Variants in RBFOX1 observed in about 807,000 individuals in gnomAD.
RBFOX1 encodes the protein RNA binding fox-1 homolog 1, also known as RNA binding protein fox-1 homolog 1.
RBFOX1 carries 8 observed loss-of-function variants against 57.7 expected under a neutral mutation model. The observed-to-expected ratio is 0.14, with a 90% confidence interval of 0.08 to 0.25. The LOEUF is 0.25. RBFOX1 is among the 10% of genes least tolerant of loss of function. The pLI is 1.00. For missense variants in RBFOX1, 611 were observed against 548.5 expected (o/e 1.11, Z -1.14); for synonymous variants, 326 against 222.4 (o/e 1.47, Z -4.15).
intron 3 of RBFOX1, among the ~76,000 whole-genome samples, chr16:6,736,003 T>G (rs1603479323): frequency 0.1 from 1 of 10 alleles, no homozygotes; most frequent in African/African-American, 0.5. Flanking sequence ...GGTAATTAAC[T>G]TCTTCTTTTT....
At position 7,221,518 on chromosome 16, in the gene RBFOX1, C is replaced by T. The variant is rs1042674609; in HGVS notation, c.27+169420C>T. ...AGTAGCTGGGATTACAGGTGCGTGC[C>T]ATCACACCTAGCTAATTTTTGTATT... On this transcript the variant is annotated intron_variant, in intron 4 of 15. Transcript: ENST00000550418. Among the ~76,000 whole-genome samples the T allele has an allele frequency of 3.9e-5, 6 of 152,152 alleles. No individual in the cohort carries two copies. The South Asian group carries it at 8.3e-4, about 21-fold the overall frequency.
At chr16:5,644,781 G>C (rs541950854) in intron 3 of RBFOX1, among the ~76,000 whole-genome samples, 3 of 152,184 alleles carry the variant, frequency 2.0e-5, no homozygotes, top group South Asian at 2.1e-4. Context: ...TTGTGTATCC[G>C]TTTATCAGCT....
At chr16:6,969,888 T>C (rs942613254) in intron 3 of RBFOX1, among the ~76,000 whole-genome samples, 4 of 152,226 alleles carry the variant, frequency 2.6e-5, no homozygotes, top group African/African-American at 7.2e-5. Context: ...TATGCAATGT[T>C]GTGTCACTTG....
chr16:5,451,095 G>C lies in RBFOX1; in HGVS notation c.220-16121G>C, dbSNP rs1481078111. On this transcript the variant is annotated intron_variant, in intron 1 of 2. Coordinates refer to the RBFOX1 transcript ENST00000585867. ...AGATATACACTCAAAATATCCAACG[G>C]ATTGAGTCCCTGAACCACAGCCTCC... 2.0e-5 allele frequency among the ~76,000 whole-genome samples: 3 copies of C among 152,320 alleles called. No individual in the cohort carries two copies. In the South Asian group the frequency reaches 6.2e-4, roughly 32 times the overall value.
intron 3 of RBFOX1, among the ~76,000 whole-genome samples, chr16:5,844,140 G>C (rs945894875): frequency 6.6e-6 from 1 of 152,156 alleles, no homozygotes; most frequent in Non-Finnish European, 1.5e-5. Flanking sequence ...TTAGTGTTTT[G>C]GAGTACCAGG....
intron 4 of RBFOX1, among the ~76,000 whole-genome samples, chr16:7,487,292 C>G (rs2065668375): frequency 6.6e-6 from 1 of 152,160 alleles, no homozygotes; most frequent in South Asian, 2.1e-4. Context: ...ACTACTTTAT[C>G]TCAAATAGCG....
At chr16:6,314,253 A>G (rs2080788747) in intron 1 of RBFOX1, among the ~76,000 whole-genome samples, 1 of 152,332 alleles carries the variant, frequency 6.6e-6, no homozygotes, top group African/African-American at 2.4e-5. Flanking sequence ...TGAGCAGTAC[A>G]TAAGGGGCCG....
intron 3 of RBFOX1, among the ~76,000 whole-genome samples, chr16:5,658,747 T>C (rs2049538690): frequency 3.5e-4 from 1 of 2,850 alleles, no homozygotes; most frequent in South Asian, 0.083. Context: ...TAAATGTGTA[T>C]ATATATATAT....
In RBFOX1 at chr16:6,415,730, C is replaced by T. The variant is rs148973644; in HGVS notation, c.-64+98673C>T. Among the ~76,000 whole-genome samples the T allele has an allele frequency of 3.0e-4, 46 of 152,132 alleles. 1 individual carries two copies. The highest frequency in any genetic ancestry group is 1.1e-3 in the African/African-American group (44 of 41,538). ...AAAAAACAAAACAAACAGAACAAAA[C>T]AGGAGAGTCTGTGTGCAGAGCTCCA... On this transcript the variant is annotated intron_variant, in intron 2 of 15. Transcript: ENST00000550418.
At chr16:6,313,477 T>C (rs1188928462) in intron 1 of RBFOX1, among the ~76,000 whole-genome samples, 1 of 152,178 alleles carries the variant, frequency 6.6e-6, no homozygotes, top group African/African-American at 2.4e-5. Context: ...AACGTTGCAG[T>C]AGCCAGCCCT....
chr16:6,598,171 A>G (rs1226909499), intron 2 of RBFOX1, among the ~76,000 whole-genome samples: 1 of 152,262 alleles, frequency 6.6e-6, no homozygotes, highest in African/African-American at 2.4e-5. Flanking sequence ...TCCTATATGC[A>G]GAACATGCAT....
At chr16:5,385,730 C>T (rs944694380) in intron 1 of RBFOX1, among the ~76,000 whole-genome samples, 8 of 152,178 alleles carry the variant, frequency 5.3e-5, no homozygotes, top group African/African-American at 1.9e-4. Context: ...TGAGCAGGGT[C>T]CCATTTAATA....
intron 2 of RBFOX1, among the ~76,000 whole-genome samples, chr16:6,577,811 T>C (rs949855017): frequency 3.9e-4 from 59 of 152,148 alleles, no homozygotes; most frequent in African/African-American, 1.4e-3. Context: ...ATCCCTACTA[T>C]GTGCTCAGGA....
chr16:7,017,906 C>T (rs963844633), intron 3 of RBFOX1, among the ~76,000 whole-genome samples: 3 of 152,156 alleles, frequency 2.0e-5, no homozygotes, highest in Non-Finnish European at 2.9e-5. Flanking sequence ...AGATGAAAGA[C>T]ATTTACCAAA....
At chr16:5,747,494 G>T (rs1490398356) in intron 3 of RBFOX1, among the ~76,000 whole-genome samples, 1 of 152,140 alleles carries the variant, frequency 6.6e-6, no homozygotes. Context: ...GTAGAATTCG[G>T]CTGTGAATCT....
chr16:7,528,903 A>G (rs1428685955), intron 5 of RBFOX1, among the ~76,000 whole-genome samples: 1 of 152,226 alleles, frequency 6.6e-6, no homozygotes, highest in African/African-American at 2.4e-5. Context: ...TGGGAGAGCC[A>G]AAGAGTTCAT....
At chr16:7,349,623 C>A (rs1463126682) in intron 4 of RBFOX1, among the ~76,000 whole-genome samples, 3 of 152,026 alleles carry the variant, frequency 2.0e-5, no homozygotes, top group African/African-American at 7.2e-5. Context: ...TGGCGACATA[C>A]CACATCCGCT....
chr16:5,717,358 AT>A (rs768827783), intron 3 of RBFOX1, among the ~76,000 whole-genome samples: 63 of 152,160 alleles, frequency 4.1e-4, no homozygotes, highest in Non-Finnish European at 7.9e-4. Context: ...TTAAAAAAAA[AT>A]GTTTACTTTC....
chr16:6,889,371 C>G (rs1455052437), intron 3 of RBFOX1, among the ~76,000 whole-genome samples: 1 of 152,184 alleles, frequency 6.6e-6, no homozygotes, highest in East Asian at 1.9e-4. Flanking sequence ...TCTTTTCCCT[C>G]TGCAGTAAGG....
Sources: gnomAD v4.1 joint callset for allele counts (sites outside exome capture counted in the v4.1 genomes callset) on GRCh38, gnomAD v4.1.1 for gene constraint, MANE v1.5 for transcripts, NCBI Gene and HGNC (gene_info 2026-07-23, HGNC 2026-07-21) for gene names.